ZBTB20: variants seen among roughly 807,000 people sequenced by gnomAD.
ZBTB20 encodes the protein zinc finger and BTB domain-containing protein 20.
ZBTB20 carries 9 observed loss-of-function variants against 56.9 expected under a neutral mutation model. That is an observed-to-expected ratio of 0.16 (90% confidence interval 0.10 to 0.28). ZBTB20 has a LOEUF of 0.28. Ranked by LOEUF, ZBTB20 falls within the 10% of genes least tolerant of loss-of-function variation. ZBTB20 has a pLI of 1.00. For synonymous variants in ZBTB20, 417 were observed against 420.7 expected, an observed-to-expected ratio of 0.99 and a Z score of 0.11; for missense variants, 655 against 1,003.0, an observed-to-expected ratio of 0.65 and a Z score of 4.69.
intron 4 of ZBTB20, among the ~76,000 whole-genome samples, chr3:114,897,690 G>A (rs1050707666): frequency 6.6e-6 from 1 of 152,036 alleles, no homozygotes; most frequent in Non-Finnish European, 1.5e-5. Context: ...ACCACACTAA[G>A]ATTCACTGGA....
At chr3:114,744,048 A>G (rs151253853) in intron 5 of ZBTB20, among the ~76,000 whole-genome samples, 243 of 152,312 alleles carry the variant, frequency 1.6e-3, no homozygotes, top group African/African-American at 5.5e-3. Context: ...TTTTTATTCA[A>G]TCAAACTGTT....
intron 5 of ZBTB20, among the ~76,000 whole-genome samples, chr3:114,769,782 G>A (rs1294070999): frequency 6.6e-6 from 1 of 152,012 alleles, no homozygotes; most frequent in Non-Finnish European, 1.5e-5. Context: ...CAATGGGCTA[G>A]GCATGGTGGC....
intron 7 of ZBTB20, among the ~76,000 whole-genome samples, chr3:114,469,255 A>C (rs1485055379): frequency 6.6e-6 from 1 of 152,146 alleles, no homozygotes; most frequent in Non-Finnish European, 1.5e-5. Flanking sequence ...TTTTACTTCA[A>C]GTTTTCCTAG....
intron 5 of ZBTB20, among the ~76,000 whole-genome samples, chr3:114,708,093 G>C (rs929342290): frequency 1.3e-5 from 2 of 152,132 alleles, no homozygotes; most frequent in Non-Finnish European, 2.9e-5. Context: ...TGTTATCCAG[G>C]ATAAGCAGAA....
At chr3:114,718,554 A>T (rs1578506945) in intron 5 of ZBTB20, among the ~76,000 whole-genome samples, 1 of 152,276 alleles carries the variant, frequency 6.6e-6, no homozygotes, top group African/African-American at 2.4e-5. Context: ...ACATATAAAA[A>T]GGTCACTGAC....
chr3:114,533,502 A>ACC (rs767843939), intron 6 of ZBTB20, among the ~76,000 whole-genome samples: 1 of 152,188 alleles, frequency 6.6e-6, no homozygotes, highest in Non-Finnish European at 1.5e-5. Flanking sequence ...AAAAGACCAA[A>ACC]CCTACGTTTC....
chr3:114,984,667 C>T (rs2108107695), intron 2 of ZBTB20, among the ~76,000 whole-genome samples: 2 of 152,206 alleles, frequency 1.3e-5, no homozygotes, highest in African/African-American at 2.4e-5. Flanking sequence ...CATTGAACAA[C>T]AGTTGATTCA....
chr3:114,676,931 C>T (rs771314773), intron 6 of ZBTB20, among the ~76,000 whole-genome samples: 19 of 152,008 alleles, frequency 1.2e-4, no homozygotes, highest in African/African-American at 3.6e-4. Context: ...TGCAACACCA[C>T]GCCCAGCTAA....
At chr3:114,427,525 T>C (rs1409305552) in intron 7 of ZBTB20, among the ~76,000 whole-genome samples, 1 of 152,146 alleles carries the variant, frequency 6.6e-6, no homozygotes, top group Non-Finnish European at 1.5e-5. Flanking sequence ...GCTTAATGGA[T>C]TAATTAAGCC....
At chr3:114,579,821 T>A (rs2054463361) in intron 6 of ZBTB20, among the ~76,000 whole-genome samples, 1 of 151,348 alleles carries the variant, frequency 6.6e-6, no homozygotes, top group African/African-American at 2.4e-5. Flanking sequence ...GAACTGTATT[T>A]AAAAAAAATA....
chr3:114,588,589 A>G (rs1308393060), intron 6 of ZBTB20, among the ~76,000 whole-genome samples: 2 of 152,094 alleles, frequency 1.3e-5, no homozygotes, highest in Admixed American at 6.5e-5. Context: ...TCTCCCAAAC[A>G]CAGAATTCTT....
intron 10 of ZBTB20, among the ~76,000 whole-genome samples, chr3:114,371,188 C>CTTTT (rs1317446768): frequency 6.6e-6 from 1 of 152,200 alleles, no homozygotes; most frequent in Non-Finnish European, 1.5e-5. Flanking sequence ...CATTTCCAGT[C>CTTTT]TTTCAAAAGA....
At chr3:114,603,420 A>G (rs1402314516) in intron 6 of ZBTB20, among the ~76,000 whole-genome samples, 3 of 151,992 alleles carry the variant, frequency 2.0e-5, no homozygotes, top group Non-Finnish European at 4.4e-5. Flanking sequence ...CATTCAATGA[A>G]CCACATCTTT....
chr3:114,985,481 T>C (rs2078498386), intron 2 of ZBTB20, among the ~76,000 whole-genome samples: 1 of 152,128 alleles, frequency 6.6e-6, no homozygotes, highest in Non-Finnish European at 1.5e-5. Context: ...TAAAATGTAT[T>C]AATACATAAG....
chr3:114,767,682 A>AT (rs2068878983), intron 5 of ZBTB20, among the ~76,000 whole-genome samples: 2 of 151,888 alleles, frequency 1.3e-5, no homozygotes, highest in African/African-American at 2.4e-5. Context: ...TTATAGAGGT[A>AT]TTTTCTCATC....
intron 4 of ZBTB20, among the ~76,000 whole-genome samples, chr3:114,841,935 T>C (rs1252763678): frequency 6.6e-6 from 1 of 152,180 alleles, no homozygotes; most frequent in Non-Finnish European, 1.5e-5. Context: ...ACTTTAGTAC[T>C]GCAAAGGTTA....
chr3:114,735,848 CA>C (rs1052466589), intron 5 of ZBTB20, among the ~76,000 whole-genome samples: 8 of 151,912 alleles, frequency 5.3e-5, no homozygotes, highest in African/African-American at 1.9e-4. Context: ...CAGAGTGAGC[CA>C]AAAAGGATTC....
At chr3:114,742,857 T>C (rs1444170003) in intron 5 of ZBTB20, among the ~76,000 whole-genome samples, 2 of 152,192 alleles carry the variant, frequency 1.3e-5, no homozygotes, top group Non-Finnish European at 2.9e-5. Flanking sequence ...AAAGCCTTTC[T>C]GGGTGACTGT....
intron 4 of ZBTB20, among the ~76,000 whole-genome samples, chr3:114,878,567 T>A (rs1021252448): frequency 9.6e-5 from 8 of 82,910 alleles, no homozygotes; most frequent in Admixed American, 9.6e-4. Flanking sequence ...GCATGACTCT[T>A]GGAGAATTAA....
Sources: allele counts gnomAD v4.1 joint callset (sites outside exome capture counted in the v4.1 genomes callset), GRCh38; gene constraint gnomAD v4.1.1; transcripts MANE v1.5; gene names NCBI Gene and HGNC (gene_info 2026-07-23, HGNC 2026-07-21).